Variants in PRUNE2 observed in about 807,000 individuals in gnomAD.
The protein encoded by PRUNE2 is prune homolog 2 with BCH domain, also known as protein prune homolog 2.
In PRUNE2, 164 loss-of-function variants were observed where a neutral mutation model predicts 252.0. That is an observed-to-expected ratio of 0.65 (90% CI 0.57 to 0.74). PRUNE2 has a LOEUF of 0.74. Among genes scored for constraint, PRUNE2 ranks in the 30% least tolerant of loss-of-function variants. PRUNE2 has a pLI of 0.00. For missense variants in PRUNE2, 3,495 were observed against 3,711.0 expected (o/e 0.94, Z 1.51); for synonymous variants, 1,292 against 1,350.2 (o/e 0.96, Z 0.94).
intron 4 of PRUNE2, among the ~76,000 whole-genome samples, chr9:76,840,385 TACAGC>T (rs1293007889): frequency 6.6e-6 from 1 of 152,202 alleles, no homozygotes; most frequent in African/African-American, 2.4e-5. Context: ...GAAATCCATT[TACAGC>T]ACACCAGCAT....
At position 76,703,909 on chromosome 9, in the gene PRUNE2, T is replaced by C. The variant is rs1564084101; in HGVS notation, c.7704A>G (p.Glu2568=). The C allele has an allele frequency of 5.0e-6, 8 of 1,613,630 alleles. No homozygotes were observed. The Admixed American group carries it at 1.0e-4, about 20-fold the overall frequency. Residue 2568 remains glutamate, a synonymous_variant, in exon 9 of 19, where the codon GAA becomes GAG. Coordinates refer to ENST00000376718, the MANE Select transcript of PRUNE2 (RefSeq NM_015225.3). ...NSHSKPETCE[E]RESIAELELY... is the part of the protein sequence containing the mutation. ...ATTCTAATTCAGCTATGCTTTCTCTTTCTTCACAGGTCTCTGGCTTTGAGT... is the reference window on the plus strand; with the variant it reads ...ATTCTAATTCAGCTATGCTTTCTCTCTCTTCACAGGTCTCTGGCTTTGAGT...
Position 76,707,282 on chromosome 9 carries a change from T to C in PRUNE2, c.4992A>G (p.Lys1664=), listed in dbSNP as rs1393574440. Residue 1664 remains lysine (K), a synonymous_variant, in exon 8 of 19, where the codon AAA becomes AAG. Coordinates refer to ENST00000376718, the MANE Select transcript of PRUNE2 (RefSeq NM_015225.3). ...ESNLIASYQE[K]NEHDISATVQ... is the part of the protein sequence containing the mutation. ...CAGTTGCAGAAATGTCATGTTCATT[T>C]TTCTCCTGGTAGCTAGCAATTAGAT... 1 of 1,613,972 alleles carries C rather than the reference T, an allele frequency of 6.2e-7. No individual in the cohort carries two copies. The highest frequency in any genetic ancestry group is 1.7e-5 in the Admixed American group (1 of 60,016).
intron 6 of PRUNE2, among the ~76,000 whole-genome samples, chr9:76,773,465 CAG>C (rs1169091400): frequency 5.8e-5 from 7 of 120,560 alleles, no homozygotes; most frequent in African/African-American, 1.9e-4. Flanking sequence ...TTTTTTGAGA[CAG>C]AGTCTCGCTC....
chr9:76,823,164 A>G (rs1358304988), intron 6 of PRUNE2: 1 of 152,530 alleles, frequency 6.6e-6, no homozygotes, highest in South Asian at 2.1e-4. Context: ...CTTGTTAAGT[A>G]ATACTTGAGT....
intron 12 of PRUNE2, among the ~76,000 whole-genome samples, chr9:76,640,158 G>A (rs990982131): frequency 1.3e-5 from 2 of 152,174 alleles, no homozygotes; most frequent in Non-Finnish European, 2.9e-5. Flanking sequence ...CAGGACATAC[G>A]CTTAAGCCTG....
chr9:76,883,699 C>T (rs1003499602), intron 1 of PRUNE2, among the ~76,000 whole-genome samples: 7 of 152,140 alleles, frequency 4.6e-5, no homozygotes, highest in African/African-American at 9.7e-5. Context: ...TGGGTGCAGA[C>T]GTTATTCCAG....
intron 6 of PRUNE2, among the ~76,000 whole-genome samples, chr9:76,822,635 CT>C (rs2058100647): frequency 6.6e-6 from 1 of 152,160 alleles, no homozygotes; most frequent in African/African-American, 2.4e-5. Context: ...TGGTGAAACC[CT>C]GTCTCTACTA....
intron 15 of PRUNE2, among the ~76,000 whole-genome samples, chr9:76,632,564 A>G (rs1838145040): frequency 6.6e-6 from 1 of 152,046 alleles, no homozygotes; most frequent in Admixed American, 6.6e-5. Context: ...TCAGTTTATT[A>G]TTATTTTTTT....
chr9:76,615,047 C>T, intron 18 of PRUNE2: 1 of 956,606 alleles, frequency 1.0e-6, no homozygotes, highest in Non-Finnish European at 1.2e-6. Flanking sequence ...CAAAACAACA[C>T]CAAACATTTT....
chr9:76,796,796 C>T (rs1422885471), intron 6 of PRUNE2, among the ~76,000 whole-genome samples: 1 of 152,162 alleles, frequency 6.6e-6, no homozygotes, highest in Non-Finnish European at 1.5e-5. Context: ...TAGACCCCAT[C>T]CAATCAACTG....
chr9:76,823,805 A>C, intron 5 of PRUNE2, 79 bp from the exon 6 acceptor site: 1 of 814,114 alleles, frequency 1.2e-6, no homozygotes, highest in Non-Finnish European at 2.1e-6. Flanking sequence ...TGTTTTGAAG[A>C]ATTTACTCTG....
At chr9:76,625,337 C>A (rs1366457233) in intron 16 of PRUNE2, among the ~76,000 whole-genome samples, 1 of 152,176 alleles carries the variant, frequency 6.6e-6, no homozygotes, top group African/African-American at 2.4e-5. Flanking sequence ...CAGTAACATG[C>A]TGTACAGGTG....
chr9:76,870,654 C>A (rs1161713306), intron 1 of PRUNE2, among the ~76,000 whole-genome samples: 2 of 150,852 alleles, frequency 1.3e-5, no homozygotes, highest in Non-Finnish European at 2.9e-5. Flanking sequence ...CCACTGCACT[C>A]CAGCCTGGGT....
At chr9:76,689,287 A>G (rs906703401) in intron 9 of PRUNE2, among the ~76,000 whole-genome samples, 4 of 152,214 alleles carry the variant, frequency 2.6e-5, no homozygotes, top group African/African-American at 7.2e-5. Flanking sequence ...AGGAAATGCC[A>G]CCTTATCCTA....
intron 6 of PRUNE2, chr9:76,784,124 G>A (rs1170079165): frequency 1.5e-4 from 23 of 152,234 alleles, no homozygotes; most frequent in Admixed American, 1.5e-3. Flanking sequence ...AGATCCCTGG[G>A]AGAAATGCCC....
intron 4 of PRUNE2, among the ~76,000 whole-genome samples, chr9:76,837,554 C>T (rs1180543878): frequency 6.6e-6 from 1 of 151,286 alleles, no homozygotes; most frequent in East Asian, 1.9e-4. Context: ...TGTATATGCC[C>T]CCACTGCATG....
At chr9:76,902,353 G>A (rs1415683258) in intron 1 of PRUNE2, among the ~76,000 whole-genome samples, 2 of 152,146 alleles carry the variant, frequency 1.3e-5, no homozygotes, top group Non-Finnish European at 2.9e-5. Flanking sequence ...AGAACAGAAA[G>A]CATGGCTAAA....
chr9:76,774,460 T>TATTTATTTATTTATTTATTA (rs1564272674), intron 6 of PRUNE2, among the ~76,000 whole-genome samples: 2 of 138,580 alleles, frequency 1.4e-5, no homozygotes, highest in Non-Finnish European at 3.2e-5. Context: ...CTTTTTTTTT[T>TATTTATTTATTTATTTATTA]TTTTTTTTTT....
chr9:76,651,141 T>C (rs1046036717), intron 11 of PRUNE2, among the ~76,000 whole-genome samples: 1 of 151,948 alleles, frequency 6.6e-6, no homozygotes, highest in Non-Finnish European at 1.5e-5. Context: ...ATGATAAAAA[T>C]GCAATATAAA....
Sources: gnomAD v4.1 joint callset for allele counts (sites outside exome capture counted in the v4.1 genomes callset) on GRCh38, gnomAD v4.1.1 for gene constraint, MANE v1.5 for transcripts, NCBI Gene and HGNC (gene_info 2026-07-23, HGNC 2026-07-21) for gene names.